ASS1: variants seen among roughly 807,000 people sequenced by gnomAD.
The protein encoded by ASS1 is argininosuccinate synthase 1.
ASS1 carries 58 observed loss-of-function variants against 60.5 expected under a neutral mutation model. That is an observed-to-expected ratio of 0.96 (90% CI 0.78 to 1.19). The LOEUF (loss-of-function observed/expected upper bound fraction) is 1.19, where lower values mean the gene tolerates loss of function less well. Among genes scored for constraint, ASS1 ranks in the 50% most tolerant of loss-of-function variants. The pLI is 0.00. For missense variants in ASS1, 454 were observed against 547.3 expected (o/e 0.83, Z 1.70); for synonymous variants, 200 against 206.9 (o/e 0.97, Z 0.29).
intron 1 of ASS1, among the ~76,000 whole-genome samples, chr9:130,451,249 C>T (rs927512650): frequency 4.6e-5 from 7 of 152,082 alleles, no homozygotes; most frequent in South Asian, 2.1e-4. Flanking sequence ...TTCATTGTGA[C>T]GGAGGGTGGG....
chr9:130,497,680 C>T (rs909471378), intron 13 of ASS1, among the ~76,000 whole-genome samples: 4 of 152,122 alleles, frequency 2.6e-5, no homozygotes, highest in African/African-American at 9.7e-5. Flanking sequence ...TGGGAAGTTC[C>T]CACCTTGGGG....
At chr9:130,454,267 C>A in intron 2 of ASS1, 38 bp from the exon 3 acceptor site, 2 of 1,599,692 alleles carry the variant, frequency 1.3e-6, no homozygotes, top group Admixed American at 1.7e-5. Context: ...AGGGCTCCCC[C>A]CAGGGGCTGA....
intron 11 of ASS1, among the ~76,000 whole-genome samples, chr9:130,484,472 A>T (rs1242637755): frequency 2.0e-5 from 3 of 151,518 alleles, no homozygotes; most frequent in African/African-American, 7.3e-5. Flanking sequence ...TCTTGGCAGT[A>T]ATTATGGTGT....
chr9:130,455,025 C>A (rs111066177), intron 3 of ASS1, among the ~76,000 whole-genome samples: 4,820 of 150,732 alleles, frequency 0.032, 247 homozygotes, highest in African/African-American at 0.11. Context: ...CATCATCCAT[C>A]CATCCATCAT....
rs773285982 is a variant in ASS1, at chr9:130,470,449, G to A, written c.496-385G>A. On this transcript the variant is annotated intron_variant, in intron 6 of 14. Transcript: ENST00000352480. This position sits in a 1 kb window ranked among gnomAD's most constrained non-coding sequence, Gnocchi z 4.3. The stretch of plus-strand genomic sequence containing the variant: ...CCTGGGCTCTGGTGCCAGGTGCCCC[G>A]GTCCACAGTGCGAGCGGGTTCACAC... 2.0e-5 allele frequency among the ~76,000 whole-genome samples: 3 copies of A among 152,204 alleles called. No individual in the cohort carries two copies. The highest frequency in any genetic ancestry group is 1.3e-4 in the Admixed American group (2 of 15,294).
chr9:130,471,399 TG>T, intron 7 of ASS1, 85 bp from the exon 8 acceptor site: 1 of 1,530,570 alleles, frequency 6.5e-7, no homozygotes. Context: ...ACCAGGCTCA[TG>T]GGCACAATGG....
chr9:130,462,885 T>A (rs1845636296), intron 4 of ASS1, among the ~76,000 whole-genome samples: 1 of 152,090 alleles, frequency 6.6e-6, no homozygotes, highest in African/African-American at 2.4e-5. Flanking sequence ...GATGAGCGAG[T>A]TTGCTGTGTG....
chr9:130,458,195 T>TGTCTGCC (rs1285483891), intron 3 of ASS1, among the ~76,000 whole-genome samples: 1 of 149,188 alleles, frequency 6.7e-6, no homozygotes, highest in East Asian at 2.0e-4. Flanking sequence ...TGATTAGCAA[T>TGTCTGCC]GTCTGCCATG....
chr9:130,454,241 C>A, intron 2 of ASS1, 64 bp from the exon 3 acceptor site: 1 of 1,526,578 alleles, frequency 6.6e-7, no homozygotes, highest in South Asian at 1.2e-5. Context: ...CTGCTGCATG[C>A]GGATGGTGTG....
chr9:130,465,669 A>T (rs1334169147), intron 5 of ASS1, among the ~76,000 whole-genome samples: 2 of 152,148 alleles, frequency 1.3e-5, no homozygotes, highest in African/African-American at 4.8e-5. Flanking sequence ...GGCTCACAGG[A>T]GTTTCCATTT....
chr9:130,486,961 C>T (rs557444124), intron 11 of ASS1, among the ~76,000 whole-genome samples: 1 of 152,352 alleles, frequency 6.6e-6, no homozygotes, highest in Admixed American at 6.5e-5. Context: ...CCTTCGAGGC[C>T]ACCTGGAGCT....
At chr9:130,487,565 G>A (rs911639011) in intron 11 of ASS1, among the ~76,000 whole-genome samples, 15 of 137,576 alleles carry the variant, frequency 1.1e-4, no homozygotes, top group Admixed American at 8.3e-4. Context: ...GCAAAGCTGA[G>A]ACTCTGGCCC....
chr9:130,451,274 C>T lies in ASS1; in HGVS notation c.-5-950C>T, dbSNP rs191012293. Reference sequence around the variant, plus strand: ...CGGAGGGTGGGGCAGGATGGGAGACCGCAGGCACTTCCCGGCTGCAGAGGG... The same window carrying T: ...CGGAGGGTGGGGCAGGATGGGAGACTGCAGGCACTTCCCGGCTGCAGAGGG... On this transcript the variant is annotated intron_variant, in intron 1 of 14. Coordinates refer to ENST00000352480, the MANE Select transcript of ASS1 (RefSeq NM_054012.4). Among the ~76,000 whole-genome samples the T allele has an allele frequency of 4.0e-5, 6 of 150,644 alleles. No individual in the cohort carries two copies. In the East Asian group the frequency reaches 1.0e-3, roughly 26 times the overall value.
chr9:130,473,750 A>G (rs1383105321), intron 8 of ASS1, among the ~76,000 whole-genome samples: 1 of 152,090 alleles, frequency 6.6e-6, no homozygotes, highest in Non-Finnish European at 1.5e-5. Flanking sequence ...TGGCTGAGCC[A>G]TTTTCTGCCT....
intron 4 of ASS1, among the ~76,000 whole-genome samples, chr9:130,461,572 G>T (rs1287030539): frequency 1.3e-5 from 2 of 152,190 alleles, no homozygotes; most frequent in African/African-American, 4.8e-5. Context: ...GGGAGTAGGT[G>T]CTACCTGGCA....
rs1465241323 is a variant in ASS1 at position 130,489,277 on chromosome 9, GT to G, written c.839-53del. ...TTTTTGTCATTTGCTGACAGTTTGG[GT>G]TTCATGCGTTTCTCTCTTTTTTCTC... On this transcript the variant is annotated intron_variant, in intron 11 of 14. Transcript: ENST00000352480. This position sits in a 1 kb window ranked among gnomAD's most constrained non-coding sequence, Gnocchi z 4.1. The G allele has an allele frequency of 2.5e-6, 4 of 1,606,174 alleles. No individual in the cohort carries two copies. In the East Asian group the frequency reaches 8.9e-5, roughly 36 times the overall value.
chr9:130,465,056 A>ATTTTTTTTTTTTTTT (rs796874986), intron 5 of ASS1, among the ~76,000 whole-genome samples: 1 of 120,150 alleles, frequency 8.3e-6, no homozygotes, highest in African/African-American at 3.6e-5. Context: ...ATATATATAT[A>ATTTTTTTTTTTTTTT]TTTTTTTTTT....
intron 11 of ASS1, among the ~76,000 whole-genome samples, chr9:130,484,281 C>G (rs1846247289): frequency 6.6e-6 from 1 of 152,172 alleles, no homozygotes; most frequent in Admixed American, 6.5e-5. Flanking sequence ...GCTGGCGGAT[C>G]CCACTCAATT....
rs777921061 is a variant in ASS1, at chr9:130,495,470, T to TACACACACACACACAC, written c.1127+448_1127+449insCACACACACACACACA. On this transcript the variant is annotated intron_variant, in intron 13 of 14. Coordinates refer to ENST00000352480, the MANE Select transcript of ASS1 (RefSeq NM_054012.4). ...ATATATATATATATATACACATACA[T>TACACACACACACACAC]ATACACACACACACACACACACACA... 1.8e-3 allele frequency among the ~76,000 whole-genome samples: 230 copies of TACACACACACACACAC among 130,544 alleles called. 1 individual carries two copies. The East Asian group carries it at 0.024, about 14-fold the overall frequency. The allele number at this position is 130,544 out of a possible 152,430, so 85.6% of individuals were successfully genotyped here.
Sources: allele counts gnomAD v4.1 joint callset (sites outside exome capture counted in the v4.1 genomes callset), GRCh38; gene constraint gnomAD v4.1.1; non-coding constraint Gnocchi (gnomAD v3.1); transcripts MANE v1.5; gene names NCBI Gene and HGNC (gene_info 2026-07-23, HGNC 2026-07-21).